CARMIL1: variants seen among roughly 807,000 people sequenced by gnomAD.
The protein encoded by CARMIL1 is capping protein regulator and myosin 1 linker 1.
A neutral mutation model predicts 177.1 loss-of-function variants in CARMIL1; 90 were observed. That is an observed-to-expected ratio of 0.51 (90% confidence interval 0.43 to 0.61). The LOEUF (loss-of-function observed/expected upper bound fraction) is 0.61. Ranked by LOEUF, CARMIL1 falls within the 20% of genes least tolerant of loss-of-function variation. The pLI is 0.00. For synonymous variants in CARMIL1, 577 were observed against 606.2 expected (o/e 0.95, Z 0.71); for missense variants, 1,380 against 1,667.0 (o/e 0.83, Z 3.00).
At chr6:25,329,925 T>TA (rs1785456391) in intron 2 of CARMIL1, among the ~76,000 whole-genome samples, 1 of 152,246 alleles carries the variant, frequency 6.6e-6, no homozygotes, top group Non-Finnish European at 1.5e-5. Flanking sequence ...TAGTCTCTGA[T>TA]ATGAGTTGTT....
chr6:25,298,755 CTTTTTT>C (rs35932044), intron 2 of CARMIL1, among the ~76,000 whole-genome samples: 6 of 133,414 alleles, frequency 4.5e-5, no homozygotes, highest in Non-Finnish European at 9.5e-5. Flanking sequence ...GTTATGATTG[CTTTTTT>C]TTTTTTTTTT....
At chr6:25,295,951 G>C (rs981793287) in intron 2 of CARMIL1, among the ~76,000 whole-genome samples, 1 of 152,154 alleles carries the variant, frequency 6.6e-6, no homozygotes, top group Non-Finnish European at 1.5e-5. Flanking sequence ...TCTCATAAAT[G>C]GTAGTTGAGT....
Position 25,520,230 on chromosome 6 carries a change from T to C in CARMIL1, c.1875-14T>C. The C allele has an allele frequency of 8.0e-7, 1 of 1,252,272 alleles. No homozygotes were observed. Among genetic ancestry groups the C allele is most frequent in the Non-Finnish European group, 1.1e-6 (1 of 894,858 alleles). The allele number at this position is 1,252,272 out of a possible 1,614,324, so 77.6% of individuals were successfully genotyped here. A position where few individuals can be genotyped will look rare whatever the true frequency, so the allele number is the denominator to read the frequency against. On this transcript the variant is annotated splice_polypyrimidine_tract_variant and intron_variant, in intron 22 of 36. Coordinates refer to ENST00000329474, the MANE Select transcript of CARMIL1 (RefSeq NM_017640.6). ...TTATTTTTAAATAAGTATATTATTTTCTCCTTTTTCTAGGAACTACACATT... is the reference window on the plus strand; with the variant it reads ...TTATTTTTAAATAAGTATATTATTTCCTCCTTTTTCTAGGAACTACACATT...
At chr6:25,334,728 C>T (rs996903311) in intron 2 of CARMIL1, among the ~76,000 whole-genome samples, 3 of 152,102 alleles carry the variant, frequency 2.0e-5, no homozygotes, top group African/African-American at 4.8e-5. Flanking sequence ...CTGAGATGAA[C>T]CTTTAACAGC....
chr6:25,482,164 A>G (rs1802176525), intron 11 of CARMIL1, 93 bp from the exon 12 acceptor site: 1 of 675,144 alleles, frequency 1.5e-6, no homozygotes, highest in East Asian at 2.8e-5. Context: ...TGATCACTTC[A>G]GTCAGAATCA....
chr6:25,506,843 G>T (rs1472630406), intron 17 of CARMIL1, among the ~76,000 whole-genome samples: 1 of 152,028 alleles, frequency 6.6e-6, no homozygotes, highest in Non-Finnish European at 1.5e-5. Flanking sequence ...ATGATATTAA[G>T]GAAGGAAAGT....
intron 2 of CARMIL1, among the ~76,000 whole-genome samples, chr6:25,404,770 A>T (rs4712932): frequency 1.1e-4 from 14 of 125,308 alleles, no homozygotes; most frequent in Admixed American, 1.5e-4. Flanking sequence ...AAAAAAAAAA[A>T]AATAGAGGTG....
chr6:25,337,340 A>T (rs1786364034), intron 2 of CARMIL1, among the ~76,000 whole-genome samples: 1 of 152,192 alleles, frequency 6.6e-6, no homozygotes, highest in South Asian at 2.1e-4. Flanking sequence ...GACCCATTTA[A>T]CATTTGTGAA....
intron 16 of CARMIL1, among the ~76,000 whole-genome samples, chr6:25,495,420 A>G (rs1409732360): frequency 6.6e-6 from 1 of 152,216 alleles, no homozygotes; most frequent in African/African-American, 2.4e-5. Context: ...AAGAAAAAAC[A>G]TCTTTTGGTT....
At chr6:25,337,501 A>T (rs902602844) in intron 2 of CARMIL1, among the ~76,000 whole-genome samples, 1 of 152,240 alleles carries the variant, frequency 6.6e-6, no homozygotes, top group Non-Finnish European at 1.5e-5. Flanking sequence ...TTGAATGTCA[A>T]GGTAATTGTC....
chr6:25,374,302 A>T (rs1288180497), intron 2 of CARMIL1, among the ~76,000 whole-genome samples: 1 of 152,156 alleles, frequency 6.6e-6, no homozygotes, highest in Non-Finnish European at 1.5e-5. Flanking sequence ...GTCATACAGG[A>T]GTAGGTTAAT....
intron 5 of CARMIL1, among the ~76,000 whole-genome samples, chr6:25,438,956 G>A (rs1265328412): frequency 1.3e-5 from 2 of 152,032 alleles, no homozygotes; most frequent in Non-Finnish European, 2.9e-5. Context: ...AGAGATGACT[G>A]TGGTCAGGAG....
chr6:25,495,603 T>C (rs1170464604), intron 16 of CARMIL1, among the ~76,000 whole-genome samples: 1 of 151,894 alleles, frequency 6.6e-6, no homozygotes, highest in Non-Finnish European at 1.5e-5. Context: ...TCTAAATCTT[T>C]CTACTAATAG....
chr6:25,525,015 TG>T (rs1239884366), intron 23 of CARMIL1, among the ~76,000 whole-genome samples: 7 of 151,940 alleles, frequency 4.6e-5, no homozygotes, highest in Non-Finnish European at 8.8e-5. Context: ...TTGCTACTAA[TG>T]GGAATACCAG....
At position 25,396,430 on chromosome 6, in the gene CARMIL1, C is replaced by T. The variant is rs151048338; in HGVS notation, c.139-23684C>T. On this transcript the variant is annotated intron_variant, in intron 2 of 36. Transcript: ENST00000329474. ...AGGCTGGAGTGCAGTGGCATGATCT[C>T]GGCTCACTGCAACCTCTGGCTTCTG... Among the ~76,000 whole-genome samples, 466 of 149,014 alleles carry T rather than the reference C, an allele frequency of 3.1e-3. 1 individual carries two copies. The highest frequency in any genetic ancestry group is 0.014 in the Middle Eastern group (4 of 292).
intron 29 of CARMIL1, among the ~76,000 whole-genome samples, chr6:25,572,981 A>G (rs1057313965): frequency 2.0e-5 from 3 of 152,190 alleles, no homozygotes; most frequent in African/African-American, 7.2e-5. Context: ...GCATTGGATT[A>G]AAGCACTGAT....
chr6:25,525,949 G>T (rs1807054104), intron 23 of CARMIL1, among the ~76,000 whole-genome samples: 1 of 152,060 alleles, frequency 6.6e-6, no homozygotes, highest in Non-Finnish European at 1.5e-5. Context: ...TACAAACATG[G>T]TAGATATGAA....
chr6:25,429,709 CTCTG>C (rs1215924038), intron 4 of CARMIL1, among the ~76,000 whole-genome samples: 19 of 151,934 alleles, frequency 1.3e-4, no homozygotes, highest in African/African-American at 4.3e-4. Flanking sequence ...AATGTTTTTT[CTCTG>C]TCTGTTGAGA....
chr6:25,281,747 C>T (rs372085320), intron 1 of CARMIL1, among the ~76,000 whole-genome samples: 32 of 152,224 alleles, frequency 2.1e-4, no homozygotes, highest in African/African-American at 7.2e-4. Context: ...CTGCTCTGAT[C>T]AATTCAAAAT....
Sources: gnomAD v4.1 joint callset for allele counts (sites outside exome capture counted in the v4.1 genomes callset) on GRCh38, gnomAD v4.1.1 for gene constraint, MANE v1.5 for transcripts, NCBI Gene and HGNC (gene_info 2026-07-23, HGNC 2026-07-21) for gene names.